ADPRS: variants seen among roughly 807,000 people sequenced by gnomAD.
The protein encoded by ADPRS is ADP-ribosylserine hydrolase.
A neutral mutation model predicts 32.1 loss-of-function variants in ADPRS; 25 were observed. The ratio of observed to expected loss-of-function variants is 0.78; its 90% CI spans 0.57 to 1.09. The LOEUF (loss-of-function observed/expected upper bound fraction) is 1.09. ADPRS is among the 50% of genes least tolerant of loss of function. The pLI is 0.00. For synonymous variants in ADPRS, 225 were observed against 201.0 expected (o/e 1.12, Z -1.01); for missense variants, 482 against 480.6 (o/e 1.00, Z -0.03).
In ADPRS at chr1:36,090,257, C is replaced by T. The variant is rs562726973; in HGVS notation, c.212-987C>T. ...GGATCATCGCTTAAGTCCAGGAGTT[C>T]GAGACTAGCCTGGGCAACATGGCAA... On this transcript the variant is annotated intron_variant, in intron 1 of 5. Transcript: ENST00000373178. 1.1e-4 allele frequency among the ~76,000 whole-genome samples: 17 copies of T among 151,928 alleles called. No homozygotes were observed. The East Asian group carries it at 3.1e-3, about 28-fold the overall frequency.
rs1458900266 is a variant in ADPRS at position 36,093,082 on chromosome 1, C to G, written c.803-15C>G. Reference sequence around the variant, plus strand: ...TGGGGAAGCATGCAGCCCCTCTAACCTGGCTTCCCCACAGGGAATGGCATT... The same window carrying G: ...TGGGGAAGCATGCAGCCCCTCTAACGTGGCTTCCCCACAGGGAATGGCATT... On this transcript the variant is annotated splice_polypyrimidine_tract_variant and intron_variant, in intron 5 of 5. Transcript: ENST00000373178. 2 of 1,609,584 alleles carry G rather than the reference C, an allele frequency of 1.2e-6. No homozygotes were observed. The highest frequency in any genetic ancestry group is 2.2e-5 in the East Asian group (1 of 44,808).
intron 2 of ADPRS, 55 bp from the exon 3 acceptor site, chr1:36,091,563 C>T: frequency 2.0e-6 from 3 of 1,498,964 alleles, no homozygotes; most frequent in Non-Finnish European, 2.7e-6. Context: ...TCTTCTCTCC[C>T]AACCCTTAGA....
At chr1:36,090,107 G>C (rs1432222707) in intron 1 of ADPRS, among the ~76,000 whole-genome samples, 1 of 152,190 alleles carries the variant, frequency 6.6e-6, no homozygotes, top group Non-Finnish European at 1.5e-5. Flanking sequence ...TGAAGACACT[G>C]ATCACTGGTG....
At position 36,088,955 on chromosome 1, in the gene ADPRS, CCGCT is replaced by C; in HGVS notation, c.53_56del (p.Arg18ProfsTer30). 6.6e-7 allele frequency: 1 copy of C among 1,512,024 alleles called. No individual in the cohort carries two copies. Among genetic ancestry groups the C allele is most frequent in the African/African-American group, 1.4e-5 (1 of 69,442 alleles). The allele number at this position is 1,512,024 out of a possible 1,614,324, so 93.7% of individuals were successfully genotyped here. On this transcript the variant is annotated frameshift_variant, in exon 1 of 6. Transcript: ENST00000373178. LOFTEE classifies it high-confidence loss of function. ...CGGCAGGTGGAGGGGCTGGCGCGGC[CCGCT>C]CCCTCTCGCGCTTCCGAGGCTGCCT...
chr1:36,089,989 G>A (rs989473628), intron 1 of ADPRS, among the ~76,000 whole-genome samples: 1 of 150,476 alleles, frequency 6.6e-6, no homozygotes, highest in South Asian at 2.1e-4. Flanking sequence ...GGAGAACACC[G>A]GTAATTAAGA....
intron 1 of ADPRS, among the ~76,000 whole-genome samples, chr1:36,089,959 A>G (rs1643456821): frequency 7.0e-6 from 1 of 142,142 alleles, no homozygotes; most frequent in South Asian, 2.6e-4. Flanking sequence ...GTAAGAAGAA[A>G]GGGCCATGGT....
At position 36,091,973 on chromosome 1, in the gene ADPRS, C is replaced by T. The variant is rs1191594529; in HGVS notation, c.580C>T (p.Gln194Ter). ...CCTGGGTTACAATGGCGCCATCCTG[C>T]AGGCCCTGGCTGTGCACCTGGCCTT... ...SSLGYNGAILQALAVHLALQG... is the reference protein window; with the variant it reads ...SSLGYNGAIL The change falls in exon 4 of 6, where the codon CAG (glutamine) becomes TAG (stop). Residue 194 changes from glutamine (Q) to a stop codon, truncating the protein, a stop_gained. Coordinates refer to ENST00000373178, the MANE Select transcript of ADPRS (RefSeq NM_017825.3). LOFTEE classifies it high-confidence loss of function. 2.5e-6 allele frequency: 4 copies of T among 1,613,658 alleles called. No individual in the cohort carries two copies. In the East Asian group the frequency reaches 6.7e-5, roughly 27 times the overall value.
Position 36,092,398 on chromosome 1 carries a change from C to T in ADPRS, c.702-24C>T, listed in dbSNP as rs1643496563. On this transcript the variant is annotated intron_variant, in intron 4 of 5. Transcript: ENST00000373178. The stretch of plus-strand genomic sequence containing the variant: ...CCACCACCCTGCTAGCTCTGACCTC[C>T]CTGAAATCTCCCCTAAACCACAGGT... The T allele has an allele frequency of 3.7e-6, 6 of 1,612,464 alleles. No individual in the cohort carries two copies. The Admixed American group carries it at 1.0e-4, about 27-fold the overall frequency.
Position 36,089,057 on chromosome 1 carries a change from C to G in ADPRS, c.153C>G (p.Val51=), listed in dbSNP as rs763988269. The G allele has an allele frequency of 1.4e-6, 2 of 1,471,900 alleles. No individual in the cohort carries two copies. The allele number at this position is 1,471,900 out of a possible 1,614,324, so 91.2% of individuals were successfully genotyped here. A position where few individuals can be genotyped will look rare whatever the true frequency, so the allele number is the denominator to read the frequency against. The change falls in exon 1 of 6, where the codon GTC becomes GTG. Residue 51 remains valine (V), a synonymous_variant. Coordinates refer to ENST00000373178, the MANE Select transcript of ADPRS (RefSeq NM_017825.3). ...ACGACACCGTCGACCTGACGTCAGT[C>G]CTGCGTCATGTCCAGAGTCTGGAGC... is the stretch of plus-strand genomic sequence containing the variant. ...EAHDTVDLTS[V]LRHVQSLEPD...
rs2124056579 is a variant in ADPRS, at chr1:36,092,432, G to T, written c.712G>T (p.Glu238Ter). Residue 238 changes from glutamate (E) to a stop codon, truncating the protein, a stop_gained, in exon 5 of 6, where the codon GAG becomes TAG. Transcript: ENST00000373178. LOFTEE classifies it high-confidence loss of function. ...TCCCCTAAACCACAGGTTGGGCATGGAGGAGCGTCCATACTCCAGCCGCCT... is the reference window on the plus strand; with the variant it reads ...TCCCCTAAACCACAGGTTGGGCATGTAGGAGCGTCCATACTCCAGCCGCCT... ...SVLDARELGM[E>*]ERPYSSRLKK... The T allele has an allele frequency of 1.2e-6, 2 of 1,614,140 alleles. No homozygotes were observed. The highest frequency in any genetic ancestry group is 4.5e-5 in the East Asian group (2 of 44,876).
At chr1:36,090,036 A>C (rs575719296) in intron 1 of ADPRS, among the ~76,000 whole-genome samples, 1 of 152,180 alleles carries the variant, frequency 6.6e-6, no homozygotes, top group Non-Finnish European at 1.5e-5. Flanking sequence ...GGAAGGAAAC[A>C]GTTTGATAGG....
At chr1:36,092,209 G>A in intron 4 of ADPRS, 115 bp downstream of exon 4, 1 of 1,384,300 alleles carries the variant, frequency 7.2e-7, no homozygotes, top group South Asian at 1.5e-5. Context: ...GGCATGGGCA[G>A]AAGCCCCTTT....
chr1:36,091,030 G>T (rs1218390568), intron 1 of ADPRS, among the ~76,000 whole-genome samples: 1 of 152,104 alleles, frequency 6.6e-6, no homozygotes, highest in Non-Finnish European at 1.5e-5. Flanking sequence ...GTAGCTGGGT[G>T]TGATGATGCA....
chr1:36,091,749 G>T lies in ADPRS; in HGVS notation c.440G>T (p.Gly147Val). Residue 147 changes from glycine (G) to valine (V), a missense_variant, in exon 3 of 6, where the codon GGC becomes GTC. Transcript: ENST00000373178. ...GCCCGGGCCCAGTTTAACGGGAAAG[G>T]CTCCTATGGCAATGGAGGTGCCATG... ...EPARAQFNGK[G>V]SYGNGGAMRV... 6.2e-7 allele frequency: 1 copy of T among 1,613,460 alleles called. No homozygotes were observed. Among genetic ancestry groups the T allele is most frequent in the Admixed American group, 1.7e-5 (1 of 59,912 alleles).
rs1444058941 is a variant in ADPRS at position 36,091,897 on chromosome 1, T to C, written c.517-13T>C. The C allele has an allele frequency of 6.3e-7, 1 of 1,595,844 alleles. No homozygotes were observed. Among genetic ancestry groups the C allele is most frequent in the African/African-American group, 1.3e-5 (1 of 74,712 alleles). On this transcript the variant is annotated splice_polypyrimidine_tract_variant and intron_variant, in intron 3 of 5. Coordinates refer to ENST00000373178, the MANE Select transcript of ADPRS (RefSeq NM_017825.3). ...AGCAGGGCTTCTGTGACAGCAGGTC[T>C]CCTCCTCCCTAGTTTGCCCGGCTCT...
Position 36,092,004 on chromosome 1 carries a change from G to T in ADPRS, c.611G>T (p.Gly204Val), listed in dbSNP as rs763554437. 1 of 1,614,064 alleles carries T rather than the reference G, an allele frequency of 6.2e-7. No homozygotes were observed. Among genetic ancestry groups the T allele is most frequent in the Non-Finnish European group, 8.5e-7 (1 of 1,179,990 alleles). ...QALAVHLALQGESSSEHFLKQ... is the reference protein window; with the variant it reads ...QALAVHLALQVESSSEHFLKQ... Reference sequence around the variant, plus strand: ...CTGGCTGTGCACCTGGCCTTGCAGGGCGAGTCTTCCAGCGAGCACTTTCTC... The same window carrying T: ...CTGGCTGTGCACCTGGCCTTGCAGGTCGAGTCTTCCAGCGAGCACTTTCTC... Residue 204 changes from glycine (G) to valine (V), a missense_variant, in exon 4 of 6, where the codon GGC becomes GTC. Coordinates refer to ENST00000373178, the MANE Select transcript of ADPRS (RefSeq NM_017825.3).
Position 36,089,047 on chromosome 1 carries a change from T to C in ADPRS, c.143T>C (p.Leu48Pro). 1 of 1,475,074 alleles carries C rather than the reference T, an allele frequency of 6.8e-7. No individual in the cohort carries two copies. The highest frequency in any genetic ancestry group is 8.9e-7 in the Non-Finnish European group (1 of 1,117,598). 91.4% of individuals were successfully genotyped at this position (1,475,074 alleles called of 1,614,324 possible). Reference sequence around the variant, plus strand: ...TACGAGGCCCACGACACCGTCGACCTGACGTCAGTCCTGCGTCATGTCCAG... The same window carrying C: ...TACGAGGCCCACGACACCGTCGACCCGACGTCAGTCCTGCGTCATGTCCAG... The part of the protein sequence containing the change: ...SFYEAHDTVD[L>P]TSVLRHVQSL... Residue 48 changes from leucine (L) to proline (P), a missense_variant, in exon 1 of 6, where the codon CTG becomes CCG. Leu to Pro is a moderately conservative substitution (Grantham distance 98, BLOSUM62 -3). Coordinates refer to ENST00000373178, the MANE Select transcript of ADPRS (RefSeq NM_017825.3).
intron 5 of ADPRS, among the ~76,000 whole-genome samples, chr1:36,092,770 G>T (rs571297406): frequency 6.6e-6 from 1 of 152,338 alleles, no homozygotes; most frequent in East Asian, 1.9e-4. Flanking sequence ...GATTTTATTT[G>T]TCTAGCATCT....
At chr1:36,089,285 C>T (rs577265301) in intron 1 of ADPRS, among the ~76,000 whole-genome samples, 170 bp downstream of exon 1, 3 of 152,314 alleles carry the variant, frequency 2.0e-5, no homozygotes, top group South Asian at 4.1e-4. Context: ...CCAGTGCGAT[C>T]TCCGGCCTTA....
Sources: gnomAD v4.1 joint callset for allele counts (sites outside exome capture counted in the v4.1 genomes callset) on GRCh38, gnomAD v4.1.1 for gene constraint, MANE v1.5 for transcripts, NCBI Gene and HGNC (gene_info 2026-07-23, HGNC 2026-07-21) for gene names.